HHAT: variants seen among roughly 807,000 people sequenced by gnomAD.
HHAT encodes hedgehog acyltransferase, also known as protein-cysteine N-palmitoyltransferase HHAT.
A neutral mutation model predicts 70.8 loss-of-function variants in HHAT; 47 were observed. The ratio of observed to expected loss-of-function variants is 0.66; its 90% CI spans 0.53 to 0.85. HHAT has a LOEUF of 0.85. Ranked by LOEUF, HHAT falls within the 40% of genes least tolerant of loss-of-function variation. HHAT has a pLI of 0.00. For synonymous variants in HHAT, 228 were observed against 247.6 expected, an observed-to-expected ratio of 0.92 and a Z score of 0.74; for missense variants, 609 against 604.8, an observed-to-expected ratio of 1.01 and a Z score of -0.07.
chr1:210,566,007 G>A (rs1654640721), intron 9 of HHAT, among the ~76,000 whole-genome samples: 1 of 152,128 alleles, frequency 6.6e-6, no homozygotes. Context: ...ACCTCGTGCT[G>A]TCATCAGGAG....
chr1:210,518,930 G>T (rs937058385), intron 9 of HHAT, among the ~76,000 whole-genome samples: 4 of 152,234 alleles, frequency 2.6e-5, no homozygotes, highest in Admixed American at 2.6e-4. Flanking sequence ...TGTTTTGAAA[G>T]AAAGCTCATT....
At chr1:210,515,593 TA>T (rs1400406905) in intron 9 of HHAT, among the ~76,000 whole-genome samples, 3 of 150,864 alleles carry the variant, frequency 2.0e-5, no homozygotes, top group African/African-American at 7.3e-5. Context: ...CTGTCTCTAC[TA>T]AAAATACAAA....
chr1:210,629,859 T>G lies in HHAT; in HGVS notation c.1390+6189T>G, dbSNP rs12407313. Among the ~76,000 whole-genome samples the G allele has an allele frequency of 9.8e-3, 970 of 98,992 alleles. 4 individuals are homozygous for G. The highest frequency in any genetic ancestry group is 0.066 in the Middle Eastern group (11 of 166). The allele number at this position is 98,992 out of a possible 152,430, so 64.9% of individuals were successfully genotyped here. A position where few individuals can be genotyped will look rare whatever the true frequency, so the allele number is the denominator to read the frequency against. On this transcript the variant is annotated intron_variant, in intron 11 of 11. Transcript: ENST00000261458. Reference sequence around the variant, plus strand: ...TTTTGTTTTTTGTTTTTTGTTTTTTTTTTTTGAGACGGAGTCTCTGTCACC... The same window carrying G: ...TTTTGTTTTTTGTTTTTTGTTTTTTGTTTTTGAGACGGAGTCTCTGTCACC...
intron 10 of HHAT, among the ~76,000 whole-genome samples, chr1:210,596,668 T>C (rs929641501): frequency 4.6e-5 from 7 of 152,116 alleles, no homozygotes; most frequent in Non-Finnish European, 8.8e-5. Flanking sequence ...TGATTCTTTT[T>C]AATTATTTCA....
chr1:210,404,447 T>G lies in HHAT; in HGVS notation c.469-17T>G, dbSNP rs1558447783. On this transcript the variant is annotated splice_polypyrimidine_tract_variant and intron_variant, in intron 5 of 11. Transcript: ENST00000261458. ...TGCTGGCCACTCAAAGGTTGTTCTC[T>G]CCTTTTGATTTTGTAGAGAAGGTGG... 1 of 1,597,538 alleles carries G rather than the reference T, an allele frequency of 6.3e-7. No homozygotes were observed. Among genetic ancestry groups the G allele is most frequent in the South Asian group, 1.1e-5 (1 of 90,662 alleles).
At position 210,480,481 on chromosome 1, in the gene HHAT, A is replaced by T. The variant is rs141070517; in HGVS notation, c.1007+15826A>T. 3.9e-4 allele frequency among the ~76,000 whole-genome samples: 60 copies of T among 152,328 alleles called. No homozygotes were observed. The East Asian group carries it at 0.011, about 27-fold the overall frequency. On this transcript the variant is annotated intron_variant, in intron 8 of 11. Coordinates refer to ENST00000261458, the MANE Select transcript of HHAT (RefSeq NM_018194.6). ...AAGACATGGAGCTGCAGCTATTGATATGTAATGAAGCTGCTGCTTACATGG... is the reference window on the plus strand; with the variant it reads ...AAGACATGGAGCTGCAGCTATTGATTTGTAATGAAGCTGCTGCTTACATGG...
intron 1 of HHAT, among the ~76,000 whole-genome samples, chr1:210,335,036 C>A (rs372601259): frequency 2.6e-5 from 4 of 151,998 alleles, no homozygotes; most frequent in African/African-American, 9.7e-5. Flanking sequence ...AACCACTTTC[C>A]GGTTGCATTT....
At chr1:210,460,882 G>C (rs573877366) in intron 7 of HHAT, among the ~76,000 whole-genome samples, 1 of 152,242 alleles carries the variant, frequency 6.6e-6, no homozygotes, top group East Asian at 1.9e-4. Flanking sequence ...GGACATAACT[G>C]GTGATTCCAT....
chr1:210,344,949 C>T (rs1274346116), intron 1 of HHAT, among the ~76,000 whole-genome samples: 3 of 152,128 alleles, frequency 2.0e-5, no homozygotes, highest in Non-Finnish European at 4.4e-5. Flanking sequence ...CACTGCCTCA[C>T]CCCATGCCGC....
intron 3 of HHAT, among the ~76,000 whole-genome samples, chr1:210,364,695 G>A (rs1379172234): frequency 6.6e-6 from 1 of 152,166 alleles, no homozygotes. Flanking sequence ...CCCAGCTCTT[G>A]TCACTTCACT....
At chr1:210,447,595 A>G (rs1323910317) in intron 7 of HHAT, among the ~76,000 whole-genome samples, 1 of 152,346 alleles carries the variant, frequency 6.6e-6, no homozygotes, top group East Asian at 1.9e-4. Flanking sequence ...CTGAGGAAAG[A>G]TGTCCTGGTT....
intron 9 of HHAT, among the ~76,000 whole-genome samples, chr1:210,529,942 A>G (rs2095296579): frequency 6.6e-6 from 1 of 152,182 alleles, no homozygotes; most frequent in Non-Finnish European, 1.5e-5. Flanking sequence ...ACTAAAAACT[A>G]AGTTATGTAT....
intron 8 of HHAT, among the ~76,000 whole-genome samples, chr1:210,472,959 T>C (rs6540596): frequency 0.81 from 122,787 of 152,120 alleles, 49,700 homozygotes; most frequent in South Asian, 0.86. Flanking sequence ...GAGACCAAGG[T>C]TCTTATTATG....
chr1:210,355,369 G>A (rs1472580653), intron 2 of HHAT, among the ~76,000 whole-genome samples: 1 of 152,172 alleles, frequency 6.6e-6, no homozygotes, highest in Admixed American at 6.5e-5. Context: ...ATAGTGAAAG[G>A]TTGAACAAGC....
chr1:210,576,686 A>T (rs1657848834), intron 9 of HHAT, among the ~76,000 whole-genome samples: 1 of 152,206 alleles, frequency 6.6e-6, no homozygotes, highest in South Asian at 2.1e-4. Context: ...ATTGAAAAAA[A>T]GAAAAAAAGA....
intron 4 of HHAT, among the ~76,000 whole-genome samples, chr1:210,392,715 C>T (rs1054255963): frequency 3.9e-5 from 6 of 152,156 alleles, no homozygotes; most frequent in African/African-American, 7.2e-5. Context: ...GGATAACAGG[C>T]GTGAGCCACC....
chr1:210,606,640 C>G lies in HHAT; in HGVS notation c.1246-16886C>G, dbSNP rs190482397. Among the ~76,000 whole-genome samples the G allele has an allele frequency of 7.8e-4, 118 of 152,238 alleles. No homozygotes were observed. In the Middle Eastern group the frequency reaches 0.01, roughly 13 times the overall value. ...TCTCTCCTTTAACAAATCCCTGTTT[C>G]TTTGTGCTGGGTCTTGTTTTTTCTT... On this transcript the variant is annotated intron_variant, in intron 10 of 11. Transcript: ENST00000261458.
chr1:210,609,194 T>A (rs1666108699), intron 10 of HHAT, among the ~76,000 whole-genome samples: 1 of 152,160 alleles, frequency 6.6e-6, no homozygotes, highest in African/African-American at 2.4e-5. Context: ...CTGCTCCTTT[T>A]GTTCAAAATT....
chr1:210,674,431 C>A lies in HHAT; in HGVS notation c.*52C>A, dbSNP rs1240995903. On this transcript the variant is annotated 3_prime_UTR_variant, in exon 12 of 12. Transcript: ENST00000261458. ...TTGCTGGCCTCCAAGGCAAATAGTGCTTCACCCTGACCTCTCACTCCAGGA... is the reference window on the plus strand; with the variant it reads ...TTGCTGGCCTCCAAGGCAAATAGTGATTCACCCTGACCTCTCACTCCAGGA... 7.0e-7 allele frequency: 1 copy of A among 1,424,474 alleles called. No individual in the cohort carries two copies. 88.2% of individuals were successfully genotyped at this position (1,424,474 alleles called of 1,614,324 possible).
Sources: allele counts gnomAD v4.1 joint callset (sites outside exome capture counted in the v4.1 genomes callset), GRCh38; gene constraint gnomAD v4.1.1; transcripts MANE v1.5; gene names NCBI Gene and HGNC (gene_info 2026-07-23, HGNC 2026-07-21).